Variants in YLPM1 observed in about 807,000 individuals in gnomAD.
YLPM1 encodes the protein YLP motif-containing protein 1.
In YLPM1, 99 loss-of-function variants were observed where a neutral mutation model predicts 230.0. That is an observed-to-expected ratio of 0.43 (90% CI 0.37 to 0.51). The LOEUF (loss-of-function observed/expected upper bound fraction) is 0.51, where lower values mean the gene tolerates loss of function less well. Among genes scored for constraint, YLPM1 ranks in the 20% least tolerant of loss-of-function variants. YLPM1 has a pLI of 0.00. For synonymous variants in YLPM1, 984 were observed against 942.5 expected (o/e 1.04, Z -0.81); for missense variants, 2,592 against 2,707.7 (o/e 0.96, Z 0.95).
At position 74,811,580 on chromosome 14, in the gene YLPM1, A is replaced by G. The variant is rs376156527; in HGVS notation, c.5229-40A>G. 32 of 1,506,276 alleles carry G rather than the reference A, an allele frequency of 2.1e-5. No individual in the cohort carries two copies. The African/African-American group carries it at 2.8e-4, about 13-fold the overall frequency. The allele number at this position is 1,506,276 out of a possible 1,614,324, so 93.3% of individuals were successfully genotyped here. A position where few individuals can be genotyped will look rare whatever the true frequency, so the allele number is the denominator to read the frequency against. On this transcript the variant is annotated intron_variant, in intron 9 of 20. Transcript: ENST00000325680. ...CGTTATAAAGCAGAGAACCCCAAAT[A>G]TTTTTTATTTGCTGAAGCGCTTCCT...
At chr14:74,790,094 T>C (rs1443398542) in intron 4 of YLPM1, among the ~76,000 whole-genome samples, 1 of 152,164 alleles carries the variant, frequency 6.6e-6, no homozygotes, top group Non-Finnish European at 1.5e-5. Flanking sequence ...TTGCATAGAA[T>C]CCATTGACCA....
At chr14:74,835,129 T>A in intron 19 of YLPM1, 136 bp from the exon 20 acceptor site, 2 of 1,117,442 alleles carry the variant, frequency 1.8e-6, no homozygotes, top group Non-Finnish European at 2.5e-6. Context: ...TTCCCAGTTT[T>A]CCTGGGTTAG....
Position 74,836,106 on chromosome 14 carries a change from G to A in YLPM1, c.*368G>A, listed in dbSNP as rs1267534561. The A allele has an allele frequency of 5.1e-5, 13 of 256,582 alleles. No homozygotes were observed. In the South Asian group the frequency reaches 5.1e-4, roughly 10 times the overall value. The allele number at this position is 256,582 out of a possible 1,614,324, so 15.9% of individuals were successfully genotyped here. A position where few individuals can be genotyped will look rare whatever the true frequency, so the allele number is the denominator to read the frequency against. On this transcript the variant is annotated 3_prime_UTR_variant, in exon 21 of 21. Transcript: ENST00000325680. ...TTTGTGGCTGTTTCTGTTTTTTACTGTATGTAACTGGTAGCTGATTGTACT... is the reference window on the plus strand; with the variant it reads ...TTTGTGGCTGTTTCTGTTTTTTACTATATGTAACTGGTAGCTGATTGTACT...
Position 74,809,381 on chromosome 14 carries a change from C to T in YLPM1, c.4523C>T (p.Pro1508Leu), listed in dbSNP as rs777373081. Residue 1508 changes from proline (P) to leucine (L), a missense_variant and splice_region_variant, in exon 7 of 21, where the codon CCT (proline) becomes CTT (leucine). By Grantham distance (98) the Pro-to-Leu change is moderately conservative. Transcript: ENST00000325680. The part of the protein sequence containing the change: ...NTSSRPGMYP[P>L]PGSYRPPPPM... ...TAAGCTATTTATTCTGTTCTCTAGC[C>T]TCCAGGGTCGTATAGACCTCCCCCT... 4 of 1,606,818 alleles carry T rather than the reference C, an allele frequency of 2.5e-6. No homozygotes were observed. The highest frequency in any genetic ancestry group is 3.4e-6 in the Non-Finnish European group (4 of 1,176,508).
intron 18 of YLPM1, chr14:74,827,230 TCTTCATCTTAAAA>T: frequency 1.4e-6 from 1 of 697,706 alleles, no homozygotes; most frequent in South Asian, 6.5e-5. Flanking sequence ...TAAAACTTCA[TCTTCATCTTAAAA>T]CTTCATCTTT....
intron 11 of YLPM1, among the ~76,000 whole-genome samples, chr14:74,815,895 G>A (rs1436741107): frequency 1.3e-5 from 2 of 151,642 alleles, no homozygotes; most frequent in Non-Finnish European, 2.9e-5. Flanking sequence ...CTGGTTTCTG[G>A]CTCCTCTTGA....
chr14:74,817,427 A>C, intron 15 of YLPM1, 150 bp downstream of exon 15: 1 of 779,926 alleles, frequency 1.3e-6, no homozygotes, highest in African/African-American at 1.8e-5. Flanking sequence ...TTAAGTACAC[A>C]AATACTTCAT....
chr14:74,784,169 A>G (rs866351703), intron 4 of YLPM1, among the ~76,000 whole-genome samples: 1 of 152,224 alleles, frequency 6.6e-6, no homozygotes, highest in Non-Finnish European at 1.5e-5. Context: ...CTCATGAAAC[A>G]TACATTTCCT....
intron 6 of YLPM1, among the ~76,000 whole-genome samples, chr14:74,808,076 C>T (rs1335337540): frequency 1.3e-5 from 2 of 152,156 alleles, no homozygotes; most frequent in Non-Finnish European, 2.9e-5. Context: ...GTGGCTACCA[C>T]CCTAATTTGG....
chr14:74,798,306 A>G lies in YLPM1; in HGVS notation c.3009A>G (p.Pro1003=), dbSNP rs2091285039. ...ENNQDKGLPR[P]DNRDNRLEGN... ...ACCAAGATAAAGGCCTGCCTCGGCC[A>G]GATAATAGAGATAATAGATTAGAAG... Residue 1003 remains proline, a synonymous_variant, in exon 5 of 21, where the codon CCA becomes CCG. Coordinates refer to ENST00000325680, the MANE Select transcript of YLPM1 (RefSeq NM_019589.3). 1.2e-6 allele frequency: 2 copies of G among 1,613,978 alleles called. No individual in the cohort carries two copies. Among genetic ancestry groups the G allele is most frequent in the Non-Finnish European group, 1.7e-6 (2 of 1,179,892 alleles).
intron 1 of YLPM1, among the ~76,000 whole-genome samples, chr14:74,776,421 G>A (rs994577060): frequency 6.6e-6 from 1 of 152,296 alleles, no homozygotes; most frequent in Middle Eastern, 3.4e-3. Context: ...CAACAGCACT[G>A]TAGCACTTGT....
At position 74,798,132 on chromosome 14, in the gene YLPM1, A is replaced by G. The variant is rs2091282821; in HGVS notation, c.2835A>G (p.Val945=). Residue 945 remains valine, a synonymous_variant, in exon 5 of 21, where the codon GTA becomes GTG. Transcript: ENST00000325680. ...IDKAQAVTQP[V]PLANKPVPAQ... is the part of the protein sequence containing the mutation. ...AAGCCCAAGCTGTTACTCAGCCTGT[A>G]CCCCTTGCGAATAAGCCTGTACCTG... is the stretch of plus-strand genomic sequence containing the variant. 1.9e-6 allele frequency: 3 copies of G among 1,613,956 alleles called. No individual in the cohort carries two copies. The African/African-American group carries it at 4.0e-5, about 22-fold the overall frequency.
At chr14:74,802,211 C>CT (rs1353493831) in intron 5 of YLPM1, among the ~76,000 whole-genome samples, 25 of 115,006 alleles carry the variant, frequency 2.2e-4, no homozygotes, top group African/African-American at 7.2e-4. Context: ...GAGTGAGACT[C>CT]TGTCTCAAAA....
In YLPM1 at chr14:74,809,654, C is replaced by G; in HGVS notation, c.4796C>G (p.Thr1599Ser). 1 of 1,614,028 alleles carries G rather than the reference C, an allele frequency of 6.2e-7. No homozygotes were observed. The highest frequency in any genetic ancestry group is 8.5e-7 in the Non-Finnish European group (1 of 1,179,892). The change falls in exon 7 of 21, where the codon ACT becomes AGT. Residue 1599 changes from threonine to serine, a missense_variant. Physicochemically the swap from Thr to Ser is moderately conservative, Grantham distance 58 (BLOSUM62 1). Transcript: ENST00000325680. Reference sequence around the variant, plus strand: ...CTGAATTCAGAATTTAAGTCAGAAACTGCAGCAATTCCATCTGCTCCAGTA... The same window carrying G: ...CTGAATTCAGAATTTAAGTCAGAAAGTGCAGCAATTCCATCTGCTCCAGTA... ...QGLNSEFKSE[T>S]AAIPSAPVLP...
intron 6 of YLPM1, among the ~76,000 whole-genome samples, chr14:74,805,990 GC>G (rs2091375015): frequency 6.6e-6 from 1 of 150,952 alleles, no homozygotes. Flanking sequence ...ACAGGCATGA[GC>G]CACCACACCT....
At chr14:74,773,026 G>A (rs905961858) in intron 1 of YLPM1, among the ~76,000 whole-genome samples, 4 of 151,722 alleles carry the variant, frequency 2.6e-5, no homozygotes, top group South Asian at 4.2e-4. Flanking sequence ...GGTGGCTCAC[G>A]CCTGTAATCC....
At chr14:74,802,994 C>T (rs2091342469) in intron 6 of YLPM1, among the ~76,000 whole-genome samples, 1 of 151,920 alleles carries the variant, frequency 6.6e-6, no homozygotes, top group African/African-American at 2.4e-5. Flanking sequence ...CATAGTGGCT[C>T]ACACCTGTAA....
At chr14:74,777,574 A>T (rs1170709563) in intron 1 of YLPM1, among the ~76,000 whole-genome samples, 2 of 151,988 alleles carry the variant, frequency 1.3e-5, no homozygotes, top group Admixed American at 6.6e-5. Context: ...CTCAAAAAAA[A>T]AAAAATAAAT....
Position 74,782,163 on chromosome 14 carries a change from C to T in YLPM1, c.2120C>T (p.Ser707Phe), listed in dbSNP as rs762792128. The T allele has an allele frequency of 3.1e-6, 5 of 1,612,484 alleles. No homozygotes were observed. In the Admixed American group the frequency reaches 5.0e-5, roughly 16 times the overall value. Residue 707 changes from serine (S) to phenylalanine (F), a missense_variant, in exon 4 of 21, where the codon TCT becomes TTT. Coordinates refer to ENST00000325680, the MANE Select transcript of YLPM1 (RefSeq NM_019589.3). ...AATTCAAAAGCTCCTTTGAGCAAGTCTGCTCTGCCATACAGTTCATTCTCA... is the reference window on the plus strand; with the variant it reads ...AATTCAAAAGCTCCTTTGAGCAAGTTTGCTCTGCCATACAGTTCATTCTCA... ...QVNSKAPLSK[S>F]ALPYSSFSSD...
Sources: allele counts gnomAD v4.1 joint callset (sites outside exome capture counted in the v4.1 genomes callset), GRCh38; gene constraint gnomAD v4.1.1; transcripts MANE v1.5; gene names NCBI Gene and HGNC (gene_info 2026-07-23, HGNC 2026-07-21).